Variants in POLR3B observed in about 807,000 individuals in gnomAD.
POLR3B encodes the protein RNA polymerase III subunit B.
A neutral mutation model predicts 147.4 loss-of-function variants in POLR3B; 96 were observed. That is an observed-to-expected ratio of 0.65 (90% CI 0.55 to 0.77). The LOEUF (loss-of-function observed/expected upper bound fraction) is 0.77. Among genes scored for constraint, POLR3B ranks in the 30% least tolerant of loss-of-function variants. POLR3B has a pLI of 0.00. For missense variants in POLR3B, 1,036 were observed against 1,413.5 expected, an observed-to-expected ratio of 0.73 and a Z score of 4.28; for synonymous variants, 461 against 485.9, an observed-to-expected ratio of 0.95 and a Z score of 0.67.
At chr12:106,465,805 T>A (rs1259712917) in intron 23 of POLR3B, among the ~76,000 whole-genome samples, 1 of 152,260 alleles carries the variant, frequency 6.6e-6, no homozygotes, top group Non-Finnish European at 1.5e-5. Flanking sequence ...TCCTTTTTTA[T>A]GGCTGCATAG....
intron 23 of POLR3B, among the ~76,000 whole-genome samples, chr12:106,465,362 T>C (rs2037990530): frequency 1.3e-5 from 2 of 152,214 alleles, no homozygotes; most frequent in Non-Finnish European, 2.9e-5. Context: ...TTTACAAGAC[T>C]AAGGTACCCC....
At chr12:106,500,518 G>C (rs2038581524) in intron 25 of POLR3B, among the ~76,000 whole-genome samples, 1 of 152,170 alleles carries the variant, frequency 6.6e-6, no homozygotes, top group Admixed American at 6.5e-5. Flanking sequence ...GGTATCAAAA[G>C]GGGCAAGTGC....
chr12:106,367,907 T>A (rs1344523612), intron 4 of POLR3B, among the ~76,000 whole-genome samples: 1 of 152,228 alleles, frequency 6.6e-6, no homozygotes, highest in Admixed American at 6.5e-5. Context: ...TGTGGGCTTA[T>A]CTAATGGTGA....
intron 23 of POLR3B, among the ~76,000 whole-genome samples, chr12:106,492,420 C>T (rs886707108): frequency 1.3e-5 from 2 of 151,948 alleles, no homozygotes; most frequent in Non-Finnish European, 2.9e-5. Flanking sequence ...CGTGGTGGCA[C>T]GCAGCTGGAT....
At chr12:106,380,411 CAAAAAA>C (rs147457953) in intron 9 of POLR3B, among the ~76,000 whole-genome samples, 1 of 98,994 alleles carries the variant, frequency 1.0e-5, no homozygotes, top group African/African-American at 3.7e-5. Context: ...CCATCTCTAC[CAAAAAA>C]AAAAAAAAAA....
Position 106,437,105 on chromosome 12 carries a change from T to C in POLR3B, c.1830T>C (p.His610=), listed in dbSNP as rs1388077078. 1 of 1,613,314 alleles carries C rather than the reference T, an allele frequency of 6.2e-7. No homozygotes were observed. Among genetic ancestry groups the C allele is most frequent in the East Asian group, 2.2e-5 (1 of 44,828 alleles). Residue 610 remains histidine (H), a synonymous_variant, in exon 17 of 28, where the codon CAT becomes CAC. Transcript: ENST00000228347. The stretch of plus-strand genomic sequence containing the variant: ...AGAAGCCAGCAGTCACAAATAAACA[T>C]ATGGAAGAGCTGGCCCAAGGGTACA... ...KKQKPAVTNK[H]MEELAQGYRN...
At chr12:106,394,547 G>A (rs770901359) in intron 10 of POLR3B, among the ~76,000 whole-genome samples, 9 of 152,168 alleles carry the variant, frequency 5.9e-5, no homozygotes, top group Non-Finnish European at 1.0e-4. Flanking sequence ...TTACCTTAAT[G>A]GTTCCTCAGT....
intron 14 of POLR3B, among the ~76,000 whole-genome samples, chr12:106,432,042 A>G (rs993570429): frequency 1.8e-4 from 27 of 152,072 alleles, no homozygotes; most frequent in Non-Finnish European, 2.9e-5. Context: ...TTGGGCATTT[A>G]TGATGTCGTC....
In POLR3B at chr12:106,469,121, G is replaced by T. The variant is rs138732533; in HGVS notation, c.2713+5501G>T. On this transcript the variant is annotated intron_variant, in intron 23 of 27. Coordinates refer to ENST00000228347, the MANE Select transcript of POLR3B (RefSeq NM_018082.6). ...AAGAACTTGCTTTATGAATCTGGGT[G>T]CTCCTGTATTGGGTGCATACATATT... 1.4e-3 allele frequency among the ~76,000 whole-genome samples: 211 copies of T among 152,196 alleles called. 2 individuals carry two copies. The highest frequency in any genetic ancestry group is 4.8e-3 in the African/African-American group (198 of 41,536).
intron 25 of POLR3B, among the ~76,000 whole-genome samples, chr12:106,500,431 C>G (rs1414699613): frequency 6.6e-6 from 1 of 152,094 alleles, no homozygotes; most frequent in East Asian, 1.9e-4. Flanking sequence ...ACAAAGGAGA[C>G]AAAGTGCTTA....
chr12:106,498,176 G>A (rs912977923), intron 25 of POLR3B, among the ~76,000 whole-genome samples: 3 of 152,238 alleles, frequency 2.0e-5, no homozygotes, highest in Admixed American at 6.5e-5. Context: ...GGGTGAGAAG[G>A]ATAGGGCATT....
intron 12 of POLR3B, among the ~76,000 whole-genome samples, chr12:106,426,171 G>A (rs2037431024): frequency 6.6e-6 from 1 of 151,250 alleles, no homozygotes. Flanking sequence ...ATACTCGTGG[G>A]CACTACCTTA....
intron 14 of POLR3B, 142 bp downstream of exon 14, chr12:106,430,615 T>C (rs1239244009): frequency 2.8e-6 from 2 of 712,742 alleles, no homozygotes; most frequent in South Asian, 1.5e-5. Flanking sequence ...CAAATAAATA[T>C]TGACATGCTT....
Position 106,457,192 on chromosome 12 carries a change from C to T in POLR3B, c.2348C>T (p.Thr783Ile). 1 of 1,612,660 alleles carries T rather than the reference C, an allele frequency of 6.2e-7. No homozygotes were observed. Among genetic ancestry groups the T allele is most frequent in the Non-Finnish European group, 8.5e-7 (1 of 1,178,726 alleles). The change falls in exon 21 of 28, where the codon ACC (threonine) becomes ATC (isoleucine). Residue 783 changes from threonine (T) to isoleucine (I), a missense_variant. Coordinates refer to ENST00000228347, the MANE Select transcript of POLR3B (RefSeq NM_018082.6). ...GCTAAATGTACGTTGAAACGATACA[C>T]CAATCAGACTTTTGATAAAGTGATG... ...KNAKCTLKRY[T>I]NQTFDKVMGP...
At position 106,374,895 on chromosome 12, in the gene POLR3B, A is replaced by G. The variant is rs137960975; in HGVS notation, c.405-1464A>G. ...TTCGCATTTGTTTATATCCACACAC[A>G]TTAGTTTCCATTTTCTTTGCTCACC... On this transcript the variant is annotated intron_variant, in intron 6 of 27. Transcript: ENST00000228347. 4.2e-3 allele frequency among the ~76,000 whole-genome samples: 635 copies of G among 152,198 alleles called. 6 individuals are homozygous for G. The highest frequency in any genetic ancestry group is 0.014 in the African/African-American group (596 of 41,510).
chr12:106,493,284 T>C (rs962207214), intron 23 of POLR3B, among the ~76,000 whole-genome samples: 1 of 152,214 alleles, frequency 6.6e-6, no homozygotes, highest in African/African-American at 2.4e-5. Context: ...AATATTGGAA[T>C]GGACTTTATG....
intron 7 of POLR3B, among the ~76,000 whole-genome samples, chr12:106,377,557 T>C (rs1375673072): frequency 6.6e-6 from 1 of 152,254 alleles, no homozygotes; most frequent in African/African-American, 2.4e-5. Context: ...AACCTAATCT[T>C]AATCTACCAT....
At chr12:106,409,325 T>A (rs1358764294) in intron 11 of POLR3B, among the ~76,000 whole-genome samples, 2 of 148,602 alleles carry the variant, frequency 1.3e-5, no homozygotes, top group African/African-American at 5.0e-5. Flanking sequence ...TTGTGGTAAC[T>A]GGTGTTACGA....
chr12:106,482,370 A>G (rs1485913642), intron 23 of POLR3B, among the ~76,000 whole-genome samples: 1 of 152,198 alleles, frequency 6.6e-6, no homozygotes, highest in Non-Finnish European at 1.5e-5. Flanking sequence ...TAATTTATAA[A>G]GAAAAGAGGT....
Sources: allele counts gnomAD v4.1 joint callset (sites outside exome capture counted in the v4.1 genomes callset), GRCh38; gene constraint gnomAD v4.1.1; transcripts MANE v1.5; gene names NCBI Gene and HGNC (gene_info 2026-07-23, HGNC 2026-07-21).